The following DLGAP1 variants were observed in gnomAD, a reference collection of about 807,000 sequenced individuals.
DLGAP1 encodes the protein DLG associated protein 1, also known as disks large-associated protein 1.
In DLGAP1, 11 loss-of-function variants were observed where a neutral mutation model predicts 90.8. The observed-to-expected ratio is 0.12, with a 90% CI of 0.08 to 0.20. DLGAP1 has a LOEUF of 0.20. DLGAP1 is among the 10% of genes least tolerant of loss of function. The pLI is 1.00. For missense variants in DLGAP1, 1,050 were observed against 1,333.8 expected (o/e 0.79, Z 3.31); for synonymous variants, 558 against 540.7 (o/e 1.03, Z -0.44).
At chr18:3,974,659 C>G (rs143334391) in intron 3 of DLGAP1, among the ~76,000 whole-genome samples, 1 of 152,148 alleles carries the variant, frequency 6.6e-6, no homozygotes, top group African/African-American at 2.4e-5. Context: ...TATTATTAAT[C>G]AGGTAAATGG....
intron 3 of DLGAP1, among the ~76,000 whole-genome samples, chr18:3,972,983 T>A (rs2073485044): frequency 6.6e-6 from 1 of 152,228 alleles, no homozygotes; most frequent in Non-Finnish European, 1.5e-5. Flanking sequence ...TCCAAAAGGA[T>A]AACAAGCGTG....
At chr18:3,644,215 G>T (rs1056557767) in intron 7 of DLGAP1, among the ~76,000 whole-genome samples, 1 of 152,092 alleles carries the variant, frequency 6.6e-6, no homozygotes, top group Admixed American at 6.6e-5. Context: ...CCTGCAAAAC[G>T]AACATCACAG....
At chr18:3,583,803 C>T (rs936327566) in intron 7 of DLGAP1, among the ~76,000 whole-genome samples, 2 of 152,168 alleles carry the variant, frequency 1.3e-5, no homozygotes, top group African/African-American at 4.8e-5. Context: ...CAAAAATTAG[C>T]CGGGTGTGGT....
intron 2 of DLGAP1, among the ~76,000 whole-genome samples, chr18:4,087,615 C>G (rs1480593446): frequency 6.6e-6 from 1 of 152,170 alleles, no homozygotes; most frequent in Non-Finnish European, 1.5e-5. Context: ...TGATTTCCCA[C>G]TCCACAACTC....
At chr18:3,949,328 G>A (rs2072937306) in intron 3 of DLGAP1, among the ~76,000 whole-genome samples, 1 of 152,178 alleles carries the variant, frequency 6.6e-6, no homozygotes, top group South Asian at 2.1e-4. Context: ...AGAAGTCAGG[G>A]TGTTTCTTCT....
chr18:3,943,717 C>T (rs2072818845), intron 3 of DLGAP1, among the ~76,000 whole-genome samples: 1 of 152,096 alleles, frequency 6.6e-6, no homozygotes, highest in Non-Finnish European at 1.5e-5. Flanking sequence ...TTTCCAAATT[C>T]CTAAGTTGAA....
chr18:3,680,382 A>G (rs1014145673), intron 7 of DLGAP1, among the ~76,000 whole-genome samples: 3 of 152,206 alleles, frequency 2.0e-5, no homozygotes, highest in African/African-American at 7.2e-5. Flanking sequence ...AGGAAGGGGT[A>G]CAGGTGAGTA....
chr18:3,854,395 T>C (rs1163900093), intron 4 of DLGAP1, among the ~76,000 whole-genome samples: 1 of 152,212 alleles, frequency 6.6e-6, no homozygotes, highest in East Asian at 1.9e-4. Flanking sequence ...AAATATTGGA[T>C]CTCAGATTTA....
rs1214769849 is a variant in DLGAP1, at chr18:3,778,220, C to G, written c.1173-35708G>C. Among the ~76,000 whole-genome samples the G allele has an allele frequency of 2.6e-5, 4 of 152,232 alleles. No homozygotes were observed. In the East Asian group the frequency reaches 7.7e-4, roughly 29 times the overall value. ...CTTTGGGAGGCAGAGGAGGGTGGATCACCGGAGGTCAGGAGTTCAAGACCA... is the reference window on the plus strand; with the variant it reads ...CTTTGGGAGGCAGAGGAGGGTGGATGACCGGAGGTCAGGAGTTCAAGACCA... On this transcript the variant is annotated intron_variant, in intron 5 of 12. Transcript: ENST00000315677.
intron 1 of DLGAP1, among the ~76,000 whole-genome samples, chr18:4,413,515 C>T (rs4106880): frequency 0.032 from 4,932 of 152,300 alleles, 126 homozygotes; most frequent in Middle Eastern, 0.075. Flanking sequence ...CCCTCCCCTA[C>T]TCCCTTACGG....
At chr18:3,745,053 T>G (rs2063211926) in intron 5 of DLGAP1, among the ~76,000 whole-genome samples, 1 of 152,212 alleles carries the variant, frequency 6.6e-6, no homozygotes, top group Non-Finnish European at 1.5e-5. Context: ...GAGAACATCA[T>G]GCTAACTGAA....
chr18:3,644,610 A>G (rs1258730699), intron 7 of DLGAP1, among the ~76,000 whole-genome samples: 1 of 152,038 alleles, frequency 6.6e-6, no homozygotes, highest in Non-Finnish European at 1.5e-5. Flanking sequence ...ATGAGGTTGC[A>G]CCATGTCGGC....
At chr18:4,002,278 T>A (rs1294978139) in intron 3 of DLGAP1, among the ~76,000 whole-genome samples, 2 of 152,252 alleles carry the variant, frequency 1.3e-5, no homozygotes, top group East Asian at 1.9e-4. Context: ...TTAGTAAGCA[T>A]CTACCTGCCT....
chr18:4,008,014 C>T (rs2074338840), intron 2 of DLGAP1, among the ~76,000 whole-genome samples: 1 of 152,088 alleles, frequency 6.6e-6, no homozygotes, highest in South Asian at 2.1e-4. Context: ...ATCACATAAA[C>T]TATTTTTTAA....
chr18:3,671,838 A>G (rs2060097487), intron 7 of DLGAP1, among the ~76,000 whole-genome samples: 1 of 152,212 alleles, frequency 6.6e-6, no homozygotes, highest in Non-Finnish European at 1.5e-5. Flanking sequence ...TATTCTCAGC[A>G]GAGCAGGAAT....
At chr18:3,782,529 A>G (rs571570741) in intron 5 of DLGAP1, among the ~76,000 whole-genome samples, 2 of 152,352 alleles carry the variant, frequency 1.3e-5, no homozygotes, top group African/African-American at 4.8e-5. Context: ...TGCATAAATC[A>G]GAAGAACTCA....
intron 2 of DLGAP1, among the ~76,000 whole-genome samples, chr18:4,051,973 T>A (rs1479799628): frequency 6.6e-6 from 1 of 152,220 alleles, no homozygotes; most frequent in Non-Finnish European, 1.5e-5. Flanking sequence ...TGACTCCATG[T>A]CTCACATCCA....
intron 4 of DLGAP1, among the ~76,000 whole-genome samples, chr18:3,851,213 G>A (rs571643863): frequency 6.6e-6 from 1 of 152,210 alleles, no homozygotes; most frequent in Non-Finnish European, 1.5e-5. Flanking sequence ...TAATCCAAGA[G>A]GAAAGTGCTG....
chr18:4,405,103 G>A (rs749439713), intron 1 of DLGAP1, among the ~76,000 whole-genome samples: 1 of 152,184 alleles, frequency 6.6e-6, no homozygotes, highest in Non-Finnish European at 1.5e-5. Flanking sequence ...ACATTCATAA[G>A]TGAGGTTTCA....
Sources: gnomAD v4.1 joint callset for allele counts (sites outside exome capture counted in the v4.1 genomes callset) on GRCh38, gnomAD v4.1.1 for gene constraint, MANE v1.5 for transcripts, NCBI Gene and HGNC (gene_info 2026-07-23, HGNC 2026-07-21) for gene names.